OTOGL: variants seen among roughly 807,000 people sequenced by gnomAD.
OTOGL encodes otogelin-like protein.
In OTOGL, 285 loss-of-function variants were observed where a neutral mutation model predicts 318.5. That is an observed-to-expected ratio of 0.89 (90% CI 0.81 to 0.99). The LOEUF (loss-of-function observed/expected upper bound fraction) is 0.99, where lower values mean the gene tolerates loss of function less well. OTOGL is among the 50% of genes least tolerant of loss of function. The probability of loss-of-function intolerance (pLI) is 0.00; values close to 1 mark genes in which losing one functional copy is unlikely to be tolerated. For synonymous variants in OTOGL, 987 were observed against 936.5 expected (o/e 1.05, Z -0.99); for missense variants, 2,899 against 2,845.6 (o/e 1.02, Z -0.43).
At chr12:80,173,025 C>A (rs892154560) in intron 1 of OTOGL, among the ~76,000 whole-genome samples, 3 of 152,148 alleles carry the variant, frequency 2.0e-5, no homozygotes, top group Non-Finnish European at 2.9e-5. Context: ...GTGCAGCAAA[C>A]CACCATGGCA....
intron 4 of OTOGL, among the ~76,000 whole-genome samples, chr12:80,217,001 T>TA (rs763244331): frequency 5.3e-4 from 80 of 152,296 alleles, no homozygotes; most frequent in Non-Finnish European, 1.0e-3. Flanking sequence ...CTATGAACTT[T>TA]ACAGTGTCAG....
In OTOGL at chr12:80,261,973, C is replaced by T; in HGVS notation, c.1894C>T (p.Pro632Ser). ...AGCATTGTCTTTGCTTTCTAGTTCTCCATCAGGCATGATAGAAGGTACACC... is the reference window on the plus strand; with the variant it reads ...AGCATTGTCTTTGCTTTCTAGTTCTTCATCAGGCATGATAGAAGGTACACC... ...NGNIRDDFLS[P>S]SGMIEGTPQL... The change falls in exon 19 of 59, where the codon CCA (proline) becomes TCA (serine). Residue 632 changes from proline (P) to serine (S), a missense_variant. Transcript: ENST00000547103. 6.2e-7 allele frequency: 1 copy of T among 1,610,534 alleles called. No homozygotes were observed.
chr12:80,282,579 G>A (rs916077015), intron 26 of OTOGL, among the ~76,000 whole-genome samples: 1 of 151,208 alleles, frequency 6.6e-6, no homozygotes, highest in Non-Finnish European at 1.5e-5. Context: ...CGGAGCCTAC[G>A]GAAGGCACAC....
intron 1 of OTOGL, among the ~76,000 whole-genome samples, chr12:80,201,812 A>T (rs1191696820): frequency 6.6e-6 from 1 of 152,120 alleles, no homozygotes; most frequent in Non-Finnish European, 1.5e-5. Flanking sequence ...GGAAAATATA[A>T]TTTTTCTACC....
intron 11 of OTOGL, among the ~76,000 whole-genome samples, chr12:80,249,458 C>T (rs896584917): frequency 4.0e-5 from 6 of 151,328 alleles, no homozygotes; most frequent in African/African-American, 1.5e-4. Flanking sequence ...CTGGGGGGTG[C>T]CTCCCAGTTA....
At chr12:80,275,566 C>CAGTG (rs1565947869) in intron 24 of OTOGL, among the ~76,000 whole-genome samples, 1 of 151,872 alleles carries the variant, frequency 6.6e-6, no homozygotes, top group East Asian at 1.9e-4. Flanking sequence ...GTTGATAAAG[C>CAGTG]AGTGGTAGGG....
intron 17 of OTOGL, among the ~76,000 whole-genome samples, chr12:80,257,474 G>A (rs889571323): frequency 6.6e-6 from 1 of 152,010 alleles, no homozygotes; most frequent in African/African-American, 2.4e-5. Context: ...GAAGAAGACA[G>A]ATTGAAAAAA....
At chr12:80,359,365 A>G (rs1890107919) in intron 52 of OTOGL, among the ~76,000 whole-genome samples, 1 of 152,170 alleles carries the variant, frequency 6.6e-6, no homozygotes, top group Non-Finnish European at 1.5e-5. Flanking sequence ...AATAACTAGG[A>G]TAACTCTGGT....
At chr12:80,294,442 A>G (rs1885249522) in intron 26 of OTOGL, among the ~76,000 whole-genome samples, 1 of 152,216 alleles carries the variant, frequency 6.6e-6, no homozygotes, top group South Asian at 2.1e-4. Flanking sequence ...TGAAGAGCAA[A>G]ACAAAACCCT....
At chr12:80,338,393 T>C (rs1021876824) in intron 42 of OTOGL, among the ~76,000 whole-genome samples, 7 of 152,014 alleles carry the variant, frequency 4.6e-5, no homozygotes, top group African/African-American at 1.7e-4. Context: ...GATATAAAAA[T>C]GAGACATTGA....
chr12:80,222,329 A>G, intron 7 of OTOGL, 84 bp downstream of exon 7: 1 of 1,261,262 alleles, frequency 7.9e-7, no homozygotes, highest in Non-Finnish European at 1.1e-6. Flanking sequence ...AAATGATGCA[A>G]AATATATACT....
chr12:80,194,240 A>G (rs1424977007), intron 1 of OTOGL, among the ~76,000 whole-genome samples: 1 of 152,264 alleles, frequency 6.6e-6, no homozygotes. Flanking sequence ...CATTTATTTT[A>G]GATGATAGCC....
intron 1 of OTOGL, among the ~76,000 whole-genome samples, chr12:80,162,399 G>C (rs1873572125): frequency 6.6e-6 from 1 of 152,090 alleles, no homozygotes; most frequent in Non-Finnish European, 1.5e-5. Context: ...TGTGGCTAGA[G>C]TGAAGTTAGC....
At chr12:80,168,767 A>G (rs1242217494) in intron 1 of OTOGL, among the ~76,000 whole-genome samples, 2 of 152,124 alleles carry the variant, frequency 1.3e-5, no homozygotes, top group African/African-American at 4.8e-5. Context: ...GTAAGTTATG[A>G]TATCTTCTTT....
intron 42 of OTOGL, among the ~76,000 whole-genome samples, chr12:80,337,596 C>T (rs1232005251): frequency 6.6e-6 from 1 of 151,802 alleles, no homozygotes; most frequent in Non-Finnish European, 1.5e-5. Context: ...AAACTCTTAT[C>T]CCAAGGAATA....
At chr12:80,212,150 G>A (rs1001722573) in intron 4 of OTOGL, among the ~76,000 whole-genome samples, 153 bp downstream of exon 4, 1 of 152,062 alleles carries the variant, frequency 6.6e-6, no homozygotes, top group Non-Finnish European at 1.5e-5. Flanking sequence ...AACCTCTATT[G>A]CTTTTCTACG....
In OTOGL at chr12:80,302,643, G is replaced by T; in HGVS notation, c.3073G>T (p.Gly1025Cys). ...NDTPYKQKQS[G>C]FFLENKSTYQ... Reference sequence around the variant, plus strand: ...CTTTTTTGTTTTTAAGAAACAATCAGGTTTTTTTCTGGAAAACAAATCTAC... The same window carrying T: ...CTTTTTTGTTTTTAAGAAACAATCATGTTTTTTTCTGGAAAACAAATCTAC... Residue 1025 changes from glycine (G) to cysteine (C), a missense_variant, in exon 28 of 59, where the codon GGT becomes TGT. Transcript: ENST00000547103. 1.5e-6 allele frequency: 2 copies of T among 1,369,686 alleles called. No individual in the cohort carries two copies. The highest frequency in any genetic ancestry group is 1.8e-5 in the South Asian group (1 of 54,902). The allele number at this position is 1,369,686 out of a possible 1,614,324, so 84.8% of individuals were successfully genotyped here. A position where few individuals can be genotyped will look rare whatever the true frequency, so the allele number is the denominator to read the frequency against.
At chr12:80,223,843 G>C (rs1220855062) in intron 7 of OTOGL, among the ~76,000 whole-genome samples, 1 of 152,024 alleles carries the variant, frequency 6.6e-6, no homozygotes, top group African/African-American at 2.4e-5. Context: ...ATTGTTGGAT[G>C]TATAGATTGC....
intron 1 of OTOGL, among the ~76,000 whole-genome samples, chr12:80,159,069 T>G (rs1291171422): frequency 2.0e-5 from 3 of 152,148 alleles, no homozygotes; most frequent in Non-Finnish European, 2.9e-5. Flanking sequence ...TCAAATGCTT[T>G]TTCTGTGATG....
Sources: gnomAD v4.1 joint callset for allele counts (sites outside exome capture counted in the v4.1 genomes callset) on GRCh38, gnomAD v4.1.1 for gene constraint, MANE v1.5 for transcripts, NCBI Gene and HGNC (gene_info 2026-07-23, HGNC 2026-07-21) for gene names.